Variants in GALNT2 observed in about 807,000 individuals in gnomAD.
The protein encoded by GALNT2 is polypeptide N-acetylgalactosaminyltransferase 2, also known as UDP-GalNAc:polypeptide N-acetylgalactosaminyltransferase 2.
A neutral mutation model predicts 81.4 loss-of-function variants in GALNT2; 31 were observed. That is an observed-to-expected ratio of 0.38 (90% confidence interval 0.29 to 0.51). The LOEUF (loss-of-function observed/expected upper bound fraction) is 0.51. Ranked by LOEUF, GALNT2 falls within the 20% of genes least tolerant of loss-of-function variation. GALNT2 has a pLI of 0.87. For synonymous variants in GALNT2, 303 were observed against 287.4 expected, an observed-to-expected ratio of 1.05 and a Z score of -0.55; for missense variants, 629 against 765.7, an observed-to-expected ratio of 0.82 and a Z score of 2.11.
At chr1:230,252,222 A>T (rs1251702642) in intron 10 of GALNT2, among the ~76,000 whole-genome samples, 2 of 152,174 alleles carry the variant, frequency 1.3e-5, no homozygotes, top group Non-Finnish European at 2.9e-5. Flanking sequence ...AGCCATTGCC[A>T]ACCTGAGGGG....
rs770541955 is a variant in GALNT2, at chr1:230,263,010, G to A, written c.1313+5G>A. On this transcript the variant is annotated splice_donor_5th_base_variant and intron_variant, in intron 13 of 15. Transcript: ENST00000366672. ...AAATGTCTATCCAGAGTTAAGGTAAGTCCCCAGGGATCTGGGGTTTCACTT... is the reference window on the plus strand; with the variant it reads ...AAATGTCTATCCAGAGTTAAGGTAAATCCCCAGGGATCTGGGGTTTCACTT... 6.2e-7 allele frequency: 1 copy of A among 1,612,650 alleles called. No homozygotes were observed. Among genetic ancestry groups the A allele is most frequent in the East Asian group, 2.2e-5 (1 of 44,888 alleles).
chr1:230,238,066 G>T (rs1176449753), intron 6 of GALNT2, among the ~76,000 whole-genome samples: 1 of 152,220 alleles, frequency 6.6e-6, no homozygotes, highest in Non-Finnish European at 1.5e-5. Flanking sequence ...GGAGAAGCCA[G>T]ATTATGGAAA....
At chr1:230,067,701 C>T (rs1405788782) in intron 1 of GALNT2, among the ~76,000 whole-genome samples, 2 of 152,130 alleles carry the variant, frequency 1.3e-5, no homozygotes, top group Non-Finnish European at 2.9e-5. Context: ...CCGGGAGCCC[C>T]ATCCCCTGCG....
chr1:230,148,625 G>A (rs1032319954), intron 1 of GALNT2, among the ~76,000 whole-genome samples: 1 of 151,700 alleles, frequency 6.6e-6, no homozygotes, highest in Non-Finnish European at 1.5e-5. Context: ...AAGGTTTGTT[G>A]CCCAGGCTGG....
chr1:230,217,628 G>A (rs1664430746), intron 3 of GALNT2, among the ~76,000 whole-genome samples: 1 of 152,192 alleles, frequency 6.6e-6, no homozygotes, highest in Admixed American at 6.5e-5. Context: ...CTTATAGTAT[G>A]GAGGTTGGGA....
intron 3 of GALNT2, among the ~76,000 whole-genome samples, chr1:230,230,381 C>G (rs1377210073): frequency 6.6e-6 from 1 of 152,216 alleles, no homozygotes; most frequent in Non-Finnish European, 1.5e-5. Context: ...CACGACCTTG[C>G]ATGATCCTCG....
intron 3 of GALNT2, among the ~76,000 whole-genome samples, chr1:230,225,242 T>G (rs1664671678): frequency 6.6e-6 from 1 of 152,206 alleles, no homozygotes; most frequent in Non-Finnish European, 1.5e-5. Context: ...TCCATTTTCC[T>G]TTTTTTGGCT....
Position 230,245,941 on chromosome 1 carries a change from T to C in GALNT2, c.730-122T>C. 5.1e-6 allele frequency: 4 copies of C among 777,380 alleles called. No homozygotes were observed. In the South Asian group the frequency reaches 6.0e-5, roughly 12 times the overall value. The allele number at this position is 777,380 out of a possible 1,614,324, so 48.2% of individuals were successfully genotyped here. A position where few individuals can be genotyped will look rare whatever the true frequency, so the allele number is the denominator to read the frequency against. ...AGGCTGGGTTCTTGAGGGCCTAGGG[T>C]AGTAGGTAGTAAGGGCCAGTTGGGT... is the stretch of plus-strand genomic sequence containing the variant. On this transcript the variant is annotated intron_variant, in intron 7 of 15. Transcript: ENST00000366672.
chr1:230,199,600 G>T (rs1663822581), intron 2 of GALNT2, among the ~76,000 whole-genome samples: 1 of 152,196 alleles, frequency 6.6e-6, no homozygotes, highest in Admixed American at 6.5e-5. Context: ...CTGGGTCACA[G>T]TGTTAAAAGT....
intron 1 of GALNT2, among the ~76,000 whole-genome samples, chr1:230,058,325 C>T (rs377037802): frequency 1.3e-5 from 2 of 152,138 alleles, no homozygotes; most frequent in Non-Finnish European, 2.9e-5. Context: ...GGTTACACAG[C>T]GGGGAAGGTG....
chr1:230,077,566 A>G (rs190985347), intron 1 of GALNT2, among the ~76,000 whole-genome samples: 7 of 152,336 alleles, frequency 4.6e-5, no homozygotes, highest in African/African-American at 1.4e-4. Flanking sequence ...TTTTCCATAT[A>G]TCACTCTCGG....
chr1:230,280,207 G>A lies in GALNT2; in HGVS notation c.*749G>A, dbSNP rs1226850392. On this transcript the variant is annotated 3_prime_UTR_variant, in exon 16 of 16. Transcript: ENST00000366672. ...GGCCAGTTTCTCACAGAGGGAGGAG[G>A]TGGCCTTTGTCCCCTGGAGCCCGAT... The A allele has an allele frequency of 5.6e-6, 2 of 354,840 alleles. No homozygotes were observed. 22.0% of individuals were successfully genotyped at this position (354,840 alleles called of 1,614,324 possible).
intron 1 of GALNT2, among the ~76,000 whole-genome samples, chr1:230,069,315 G>A (rs903906257): frequency 1.5e-4 from 23 of 150,014 alleles, no homozygotes; most frequent in African/African-American, 5.8e-4. Flanking sequence ...ATTCCTGGTG[G>A]CAATATAGAC....
intron 7 of GALNT2, among the ~76,000 whole-genome samples, chr1:230,245,155 AT>A (rs112585695): frequency 2.5e-3 from 367 of 146,446 alleles, no homozygotes; most frequent in African/African-American, 4.7e-3. Context: ...ATCTAGGGGG[AT>A]TTTTTTTTTT....
At chr1:230,179,731 C>T (rs917820975) in intron 2 of GALNT2, among the ~76,000 whole-genome samples, 5 of 152,040 alleles carry the variant, frequency 3.3e-5, no homozygotes, top group African/African-American at 4.8e-5. Context: ...AAATGTTTCT[C>T]CTAGTCTGTG....
At chr1:230,142,441 C>G (rs185440677) in intron 1 of GALNT2, among the ~76,000 whole-genome samples, 1 of 152,276 alleles carries the variant, frequency 6.6e-6, no homozygotes, top group East Asian at 1.9e-4. Flanking sequence ...GGGCTTATAT[C>G]CAGCCCCGCC....
chr1:230,088,509 C>T (rs1659961762), intron 1 of GALNT2, among the ~76,000 whole-genome samples: 1 of 150,498 alleles, frequency 6.6e-6, no homozygotes, highest in Admixed American at 6.6e-5. Context: ...ACATTTACTA[C>T]AGTTGTACAG....
intron 14 of GALNT2, among the ~76,000 whole-genome samples, chr1:230,269,732 A>C (rs906549607): frequency 2.4e-5 from 3 of 124,106 alleles, no homozygotes; most frequent in Non-Finnish European, 5.1e-5. Context: ...CCGTCTTTAC[A>C]AAAAAAAAAA....
At chr1:230,126,920 T>A (rs961264451) in intron 1 of GALNT2, among the ~76,000 whole-genome samples, 6 of 152,210 alleles carry the variant, frequency 3.9e-5, no homozygotes, top group Non-Finnish European at 5.9e-5. Context: ...TTTATGGGGC[T>A]GACATTTGTT....
Sources: allele counts gnomAD v4.1 joint callset (sites outside exome capture counted in the v4.1 genomes callset), GRCh38; gene constraint gnomAD v4.1.1; transcripts MANE v1.5; gene names NCBI Gene and HGNC (gene_info 2026-07-23, HGNC 2026-07-21).